MLH3: variants seen among roughly 807,000 people sequenced by gnomAD.
The protein encoded by MLH3 is mutL homolog 3.
MLH3 carries 82 observed loss-of-function variants against 122.2 expected under a neutral mutation model. The ratio of observed to expected loss-of-function variants is 0.67; its 90% CI spans 0.56 to 0.81. The LOEUF is 0.81. Among genes scored for constraint, MLH3 ranks in the 30% least tolerant of loss-of-function variants. MLH3 has a pLI of 0.00. For synonymous variants in MLH3, 524 were observed against 599.5 expected (o/e 0.87, Z 1.84); for missense variants, 1,539 against 1,714.5 (o/e 0.90, Z 1.81).
At chr14:75,025,275 C>G in intron 9 of MLH3, among the ~76,000 whole-genome samples, 1 of 152,136 alleles carries the variant, frequency 6.6e-6, no homozygotes, top group East Asian at 1.9e-4. Context: ...TCCTGCTTCA[C>G]GCACTCCTGA....
chr14:75,024,666 A>G lies in MLH3; in HGVS notation c.3988-1648T>C, dbSNP rs556029828. Among the ~76,000 whole-genome samples the G allele has an allele frequency of 4.5e-4, 69 of 152,312 alleles. 1 individual carries two copies. The South Asian group carries it at 0.013, about 30-fold the overall frequency. Reference sequence around the variant, plus strand: ...ATGATCTTTCAACTGCTAGGATTCAAATAGCTACCTCCTCAAAACACCAAA... The same window carrying G: ...ATGATCTTTCAACTGCTAGGATTCAGATAGCTACCTCCTCAAAACACCAAA... On this transcript the variant is annotated intron_variant, in intron 9 of 12. Coordinates refer to ENST00000355774, the MANE Select transcript of MLH3 (RefSeq NM_001040108.2).
rs1304359193 is a variant in MLH3 at position 75,048,186 on chromosome 14, A to G, written c.1470T>C (p.Ser490=). 1 of 1,613,836 alleles carries G rather than the reference A, an allele frequency of 6.2e-7. No homozygotes were observed. Among genetic ancestry groups the G allele is most frequent in the Non-Finnish European group, 8.5e-7 (1 of 1,179,930 alleles). The change falls in exon 2 of 13, where the codon TCT becomes TCC. Residue 490 remains serine (S), a synonymous_variant. Coordinates refer to ENST00000355774, the MANE Select transcript of MLH3 (RefSeq NM_001040108.2). ...TTTCTAAAGAGCTATGTTCCAGGAA[A>G]GATTTTTTATGTTTCTCATTTTCTC... ...EAGENEKHKK[S]FLEHSSLENP...
At chr14:75,020,556 T>C (rs1331850209) in intron 11 of MLH3, among the ~76,000 whole-genome samples, 1 of 152,134 alleles carries the variant, frequency 6.6e-6, no homozygotes, top group Admixed American at 6.5e-5. Flanking sequence ...GTTCTCACAC[T>C]GCCATGAAGA....
rs1474961218 is a variant in MLH3 at position 75,039,429 on chromosome 14, A to G, written c.3570+482T>C. Among the ~76,000 whole-genome samples, 4 of 152,218 alleles carry G rather than the reference A, an allele frequency of 2.6e-5. No individual in the cohort carries two copies. The South Asian group carries it at 8.3e-4, about 31-fold the overall frequency. On this transcript the variant is annotated intron_variant, in intron 5 of 12. Coordinates refer to ENST00000355774, the MANE Select transcript of MLH3 (RefSeq NM_001040108.2). ...TAAACACAAGGCAAAATAGAAAAGCAGATCAGACAAAGGGTCCCTTTTGTG... is the reference window on the plus strand; with the variant it reads ...TAAACACAAGGCAAAATAGAAAAGCGGATCAGACAAAGGGTCCCTTTTGTG...
At chr14:75,032,343 T>C (rs1324229165) in intron 7 of MLH3, among the ~76,000 whole-genome samples, 164 bp from the exon 8 acceptor site, 1 of 152,258 alleles carries the variant, frequency 6.6e-6, no homozygotes, top group African/African-American at 2.4e-5. Context: ...CTAATAAATA[T>C]TCAGCCTATT....
At chr14:75,038,088 C>T (rs756350664) in intron 6 of MLH3, among the ~76,000 whole-genome samples, 29 of 152,044 alleles carry the variant, frequency 1.9e-4, no homozygotes, top group African/African-American at 5.6e-4. Flanking sequence ...TTAGTAGAGA[C>T]GGGGTTTTGC....
In MLH3 at chr14:75,033,481, A is replaced by T. The variant is rs1208714560; in HGVS notation, c.3653T>A (p.Leu1218Gln). Residue 1218 changes from leucine to glutamine, a missense_variant, in exon 7 of 13, where the codon CTG becomes CAG. Transcript: ENST00000355774. Reference protein sequence around the residue: ...TEENGEAGGNLLVLVDQHAAH... With the variant: ...TEENGEAGGNQLVLVDQHAAH... ...AGCGTGCTGATCCACCAGCACGAGCAGGTTCCCACCTAGATGAGCAAGGAT... is the reference window on the plus strand; with the variant it reads ...AGCGTGCTGATCCACCAGCACGAGCTGGTTCCCACCTAGATGAGCAAGGAT... The T allele has an allele frequency of 1.2e-6, 2 of 1,613,852 alleles. No homozygotes were observed. Among genetic ancestry groups the T allele is most frequent in the Non-Finnish European group, 1.7e-6 (2 of 1,179,722 alleles).
rs1343282239 is a variant in MLH3 at position 75,048,343 on chromosome 14, G to C, written c.1313C>G (p.Ala438Gly). The change falls in exon 2 of 13, where the codon GCA becomes GGA. Residue 438 changes from alanine (A) to glycine (G), a missense_variant. Ala to Gly is a moderately conservative substitution (Grantham distance 60). Coordinates refer to ENST00000355774, the MANE Select transcript of MLH3 (RefSeq NM_001040108.2). ...SEATRKNTND[A>G]FLYIYESGGP... Reference sequence around the variant, plus strand: ...ACCTGATTCATAAATGTACAAAAATGCATCATTTGTATTTTTTCTGGTAGC... The same window carrying C: ...ACCTGATTCATAAATGTACAAAAATCCATCATTTGTATTTTTTCTGGTAGC... The C allele has an allele frequency of 1.2e-6, 2 of 1,613,728 alleles. No homozygotes were observed. The highest frequency in any genetic ancestry group is 1.1e-5 in the South Asian group (1 of 90,958).
chr14:75,024,315 C>G (rs1890483598), intron 9 of MLH3, among the ~76,000 whole-genome samples: 1 of 152,034 alleles, frequency 6.6e-6, no homozygotes, highest in South Asian at 2.1e-4. Context: ...GATTCTCCTG[C>G]CTCAGCCTCC....
intron 7 of MLH3, 83 bp downstream of exon 7, chr14:75,033,336 C>T: frequency 1.9e-6 from 2 of 1,046,030 alleles, no homozygotes; most frequent in Admixed American, 1.8e-5. Flanking sequence ...TTTCTCACAA[C>T]AGTTGCAGTT....
intron 9 of MLH3, among the ~76,000 whole-genome samples, chr14:75,023,712 G>GTTAAACAGAA (rs1890438677): frequency 6.6e-6 from 1 of 152,096 alleles, no homozygotes; most frequent in Admixed American, 6.5e-5. Flanking sequence ...TTAACCTCTG[G>GTTAAACAGAA]AGGTAAAAAG....
chr14:75,041,808 A>G, intron 3 of MLH3, 108 bp from the exon 4 acceptor site: 2 of 771,150 alleles, frequency 2.6e-6, no homozygotes, highest in South Asian at 2.8e-5. Context: ...GGTCACGTAC[A>G]TTGTTTCTAT....
chr14:75,038,374 C>T lies in MLH3; in HGVS notation c.3609G>A (p.Leu1203=). The change falls in exon 6 of 13, where the codon TTG becomes TTA. Residue 1203 remains leucine (L), a synonymous_variant. Transcript: ENST00000355774. The part of the protein sequence containing the change: ...QQVDNKFIAC[L]MSTKTEENGE... ...CATTCTCTTCAGTCTTAGTGCTCAT[C>T]AAACAGGCAATAAACTTGTTATCTA... The T allele has an allele frequency of 6.2e-7, 1 of 1,613,966 alleles. No homozygotes were observed. The highest frequency in any genetic ancestry group is 8.5e-7 in the Non-Finnish European group (1 of 1,179,884).
rs28757031 is a variant in MLH3 at position 75,028,012 on chromosome 14, G to A, written c.3987+2531C>T. 5.3e-3 allele frequency among the ~76,000 whole-genome samples: 786 copies of A among 147,292 alleles called. 3 individuals are homozygous for A. The highest frequency in any genetic ancestry group is 0.017 in the African/African-American group (689 of 40,178). On this transcript the variant is annotated intron_variant, in intron 9 of 12. Transcript: ENST00000355774. ...TAAATGGAATATATAACTTCTAAAC[G>A]AGTAGAGCAAAAAAAAAAAGAGAAA... is the stretch of plus-strand genomic sequence containing the variant.
chr14:75,027,671 A>AG (rs202057591), intron 9 of MLH3, among the ~76,000 whole-genome samples: 1 of 131,692 alleles, frequency 7.6e-6, no homozygotes, highest in African/African-American at 2.8e-5. Flanking sequence ...CAGTAAAAAA[A>AG]AAAAAAAAAA....
At chr14:75,023,510 G>A (rs1890427843) in intron 9 of MLH3, among the ~76,000 whole-genome samples, 1 of 152,148 alleles carries the variant, frequency 6.6e-6, no homozygotes, top group African/African-American at 2.4e-5. Context: ...GTTCCCACGG[G>A]CTTTTTGGGG....
intron 9 of MLH3, among the ~76,000 whole-genome samples, chr14:75,026,312 G>GA (rs143510025): frequency 6.6e-6 from 1 of 151,846 alleles, no homozygotes; most frequent in South Asian, 2.1e-4. Flanking sequence ...GAGATTTGGG[G>GA]AAAAAAACAC....
intron 2 of MLH3, among the ~76,000 whole-genome samples, chr14:75,045,056 G>A (rs543015372): frequency 6.6e-6 from 1 of 152,268 alleles, no homozygotes; most frequent in East Asian, 1.9e-4. Context: ...TTGGTTGGGT[G>A]CAGTGGCTCA....
chr14:75,037,528 G>C (rs774895594), intron 6 of MLH3, among the ~76,000 whole-genome samples: 2 of 152,078 alleles, frequency 1.3e-5, no homozygotes, highest in Admixed American at 1.3e-4. Flanking sequence ...TGTTTCATTA[G>C]AGCAGGTCAC....
Sources: allele counts gnomAD v4.1 joint callset (sites outside exome capture counted in the v4.1 genomes callset), GRCh38; gene constraint gnomAD v4.1.1; transcripts MANE v1.5; gene names NCBI Gene and HGNC (gene_info 2026-07-23, HGNC 2026-07-21).